Variants in WDR76 observed in about 807,000 individuals in gnomAD.
The protein encoded by WDR76 is WD repeat domain 76, also known as WD repeat-containing protein 76.
In WDR76, 52 loss-of-function variants were observed where a neutral mutation model predicts 70.2. The observed-to-expected ratio is 0.74, with a 90% CI of 0.59 to 0.93. WDR76 has a LOEUF of 0.93. Among genes scored for constraint, WDR76 ranks in the 40% least tolerant of loss-of-function variants. WDR76 has a pLI of 0.00. For synonymous variants in WDR76, 292 were observed against 271.1 expected (o/e 1.08, Z -0.76); for missense variants, 756 against 760.2 (o/e 0.99, Z 0.07).
At chr15:43,865,481 C>T (rs1164977077) in intron 12 of WDR76, among the ~76,000 whole-genome samples, 1 of 152,170 alleles carries the variant, frequency 6.6e-6, no homozygotes, top group African/African-American at 2.4e-5. Context: ...CCATGTTGGC[C>T]AGGCTGTCTC....
chr15:43,831,645 G>C (rs182687751), intron 2 of WDR76, among the ~76,000 whole-genome samples: 1 of 152,176 alleles, frequency 6.6e-6, no homozygotes, highest in Admixed American at 6.5e-5. Flanking sequence ...TCTCCATGTT[G>C]GCCAGGCTGG....
chr15:43,853,988 G>C (rs544666218), intron 9 of WDR76, among the ~76,000 whole-genome samples: 1 of 151,876 alleles, frequency 6.6e-6, no homozygotes, highest in Non-Finnish European at 1.5e-5. Context: ...TTATTCATTA[G>C]GGAAATGCAA....
intron 8 of WDR76, among the ~76,000 whole-genome samples, chr15:43,848,542 C>T (rs1381296224): frequency 6.6e-6 from 1 of 152,242 alleles, no homozygotes; most frequent in East Asian, 1.9e-4. Flanking sequence ...GAAGTAGGGA[C>T]AGTGAGTAGT....
chr15:43,842,109 G>A (rs1295550527), intron 5 of WDR76, among the ~76,000 whole-genome samples: 2 of 152,068 alleles, frequency 1.3e-5, no homozygotes, highest in Non-Finnish European at 2.9e-5. Flanking sequence ...CTTGTGATCC[G>A]CCTGCCTCGG....
In WDR76 at chr15:43,856,981, C is replaced by T. The variant is rs776985988; in HGVS notation, c.1227C>T (p.Phe409=). 9 of 1,613,916 alleles carry T rather than the reference C, an allele frequency of 5.6e-6. No homozygotes were observed. Among genetic ancestry groups the T allele is most frequent in the East Asian group, 4.5e-5 (2 of 44,874 alleles). ...YRNERSSFSS[F]DFLAEDASTL... ...ATGAAAGAAGTAGCTTTTCCTCCTT[C>T]GACTTCTTGGCAGAAGATGCCTCCA... Residue 409 remains phenylalanine (F), a synonymous_variant, in exon 10 of 13, where the codon TTC becomes TTT. Transcript: ENST00000263795.
intron 5 of WDR76, 40 bp from the exon 6 acceptor site, chr15:43,842,375 G>T: frequency 1.3e-6 from 2 of 1,585,260 alleles, no homozygotes; most frequent in Admixed American, 1.7e-5. Flanking sequence ...ATATTCTAGG[G>T]CAGGGAGCCC....
At chr15:43,833,070 T>C (rs1220075293) in intron 2 of WDR76, among the ~76,000 whole-genome samples, 1 of 151,988 alleles carries the variant, frequency 6.6e-6, no homozygotes, top group African/African-American at 2.4e-5. Flanking sequence ...TCCTTTTTCA[T>C]TCATTATGCA....
At chr15:43,861,107 A>G (rs1003922190) in intron 11 of WDR76, among the ~76,000 whole-genome samples, 1 of 150,384 alleles carries the variant, frequency 6.6e-6, no homozygotes, top group East Asian at 2.0e-4. Context: ...TTTTGTACAG[A>G]TGGGTCTCAC....
At chr15:43,847,417 C>T (rs2087802444) in intron 8 of WDR76, among the ~76,000 whole-genome samples, 1 of 151,538 alleles carries the variant, frequency 6.6e-6, no homozygotes. Context: ...CTCGCTGCCA[C>T]ACCTGGCTAA....
In WDR76 at chr15:43,856,214, T is replaced by C. The variant is rs569361511; in HGVS notation, c.1192-732T>C. 7.2e-5 allele frequency among the ~76,000 whole-genome samples: 11 copies of C among 152,350 alleles called. No individual in the cohort carries two copies. The East Asian group carries it at 2.1e-3, about 29-fold the overall frequency. The stretch of plus-strand genomic sequence containing the variant: ...TGGTGGATATTTATGTTGCTTCTTA[T>C]TGCTATTATAAGCAATCTTGCAGCA... On this transcript the variant is annotated intron_variant, in intron 9 of 12. Coordinates refer to ENST00000263795, the MANE Select transcript of WDR76 (RefSeq NM_024908.4).
chr15:43,828,716 TG>T (rs1411646339), intron 2 of WDR76, among the ~76,000 whole-genome samples: 1 of 152,318 alleles, frequency 6.6e-6, no homozygotes, highest in East Asian at 1.9e-4. Context: ...GTCATCAGTT[TG>T]TGGGACATGG....
intron 2 of WDR76, among the ~76,000 whole-genome samples, chr15:43,831,950 T>C (rs1466586561): frequency 1.3e-5 from 2 of 151,888 alleles, no homozygotes; most frequent in African/African-American, 4.8e-5. Context: ...GGTTTTACCA[T>C]ATTGGCCAGG....
At chr15:43,863,193 C>T (rs1026945892) in intron 12 of WDR76, among the ~76,000 whole-genome samples, 2 of 152,120 alleles carry the variant, frequency 1.3e-5, no homozygotes, top group African/African-American at 4.8e-5. Flanking sequence ...TTGCCTTGGC[C>T]TCCTAAAGTG....
At chr15:43,828,653 A>G (rs1418467225) in intron 2 of WDR76, among the ~76,000 whole-genome samples, 1 of 152,130 alleles carries the variant, frequency 6.6e-6, no homozygotes, top group Non-Finnish European at 1.5e-5. Flanking sequence ...GGGTTTAGTC[A>G]TACTTTATGG....
chr15:43,835,854 A>C (rs1456996864), intron 3 of WDR76, among the ~76,000 whole-genome samples: 1 of 151,548 alleles, frequency 6.6e-6, no homozygotes, highest in Non-Finnish European at 1.5e-5. Flanking sequence ...ATGGGGTTTC[A>C]CCATGTTGGT....
At chr15:43,849,730 G>A (rs1318068578) in intron 8 of WDR76, among the ~76,000 whole-genome samples, 2 of 152,074 alleles carry the variant, frequency 1.3e-5, no homozygotes, top group African/African-American at 4.8e-5. Flanking sequence ...TAGAGACGGG[G>A]TTTCACCATC....
At chr15:43,855,296 G>A (rs997063029) in intron 9 of WDR76, among the ~76,000 whole-genome samples, 12 of 152,200 alleles carry the variant, frequency 7.9e-5, no homozygotes, top group African/African-American at 2.9e-4. Flanking sequence ...AATGAGTAAT[G>A]TTATTGCATT....
At chr15:43,831,409 G>A (rs2087586273) in intron 2 of WDR76, among the ~76,000 whole-genome samples, 1 of 151,900 alleles carries the variant, frequency 6.6e-6, no homozygotes, top group Admixed American at 6.6e-5. Context: ...AAAGTGCTGG[G>A]ATTACAGATG....
chr15:43,851,084 C>T lies in WDR76; in HGVS notation c.1033-3C>T. ...TCTCCCCTTTCCCGCAACTCTCTTC[C>T]AGACCCAGCAACCTAAAGAAGATGG... On this transcript the variant is annotated splice_region_variant and splice_polypyrimidine_tract_variant and intron_variant, in intron 8 of 12. Coordinates refer to ENST00000263795, the MANE Select transcript of WDR76 (RefSeq NM_024908.4). 1.2e-6 allele frequency: 2 copies of T among 1,613,920 alleles called. No individual in the cohort carries two copies. The highest frequency in any genetic ancestry group is 1.1e-5 in the South Asian group (1 of 91,038).
Sources: allele counts gnomAD v4.1 joint callset (sites outside exome capture counted in the v4.1 genomes callset), GRCh38; gene constraint gnomAD v4.1.1; transcripts MANE v1.5; gene names NCBI Gene and HGNC (gene_info 2026-07-23, HGNC 2026-07-21).